Variants in BTBD2 observed in about 807,000 individuals in gnomAD.
BTBD2 encodes the protein BTB domain containing 2.
In BTBD2, 15 loss-of-function variants were observed where a neutral mutation model predicts 44.0. The ratio of observed to expected loss-of-function variants is 0.34; its 90% CI spans 0.23 to 0.53. The LOEUF (loss-of-function observed/expected upper bound fraction) is 0.53, where lower values mean the gene tolerates loss of function less well. Ranked by LOEUF, BTBD2 falls within the 20% of genes least tolerant of loss-of-function variation. BTBD2 has a pLI of 0.95. For synonymous variants in BTBD2, 443 were observed against 335.9 expected (o/e 1.32, Z -3.49); for missense variants, 657 against 746.4 (o/e 0.88, Z 1.39).
At position 1,986,955 on chromosome 19, in the gene BTBD2, T is replaced by A; in HGVS notation, c.1291A>T (p.Thr431Ser). 1 of 1,612,710 alleles carries A rather than the reference T, an allele frequency of 6.2e-7. No homozygotes were observed. Reference protein sequence around the residue: ...NIQIIHTDSNTVLGQNDTGFS... With the variant: ...NIQIIHTDSNSVLGQNDTGFS... Reference sequence around the variant, plus strand: ...CCCGTGTCGTTCTGGCCCAAGACGGTGTTGCTATCGGTGTGAATAATCTGC... The same window carrying A: ...CCCGTGTCGTTCTGGCCCAAGACGGAGTTGCTATCGGTGTGAATAATCTGC... Residue 431 changes from threonine (T) to serine (S), a missense_variant, in exon 8 of 9, where the codon ACC becomes TCC. Around this residue, in one of 3 missense-constraint regions of BTBD2, gnomAD observed 449 missense variants for 510.9 expected, o/e 0.88. Coordinates refer to ENST00000255608, the MANE Select transcript of BTBD2 (RefSeq NM_017797.4).
intron 2 of BTBD2, among the ~76,000 whole-genome samples, chr19:1,996,722 G>GA (rs1372640229): frequency 1.3e-5 from 2 of 151,636 alleles, no homozygotes; most frequent in African/African-American, 2.4e-5. Flanking sequence ...TGTCTCTACT[G>GA]AAAAACACAC....
At chr19:2,007,136 G>A (rs911503337) in intron 1 of BTBD2, among the ~76,000 whole-genome samples, 50 of 152,162 alleles carry the variant, frequency 3.3e-4, no homozygotes, top group African/African-American at 1.1e-3. Context: ...GATTACAGGC[G>A]TGAGCCACTG....
chr19:2,009,336 T>G (rs1437966876), intron 1 of BTBD2, among the ~76,000 whole-genome samples: 4 of 151,928 alleles, frequency 2.6e-5, no homozygotes, highest in African/African-American at 9.7e-5. Context: ...GTAGCTGGGA[T>G]TACAGGTGCC....
chr19:1,992,724 A>G (rs959321813), intron 3 of BTBD2, among the ~76,000 whole-genome samples: 20 of 151,630 alleles, frequency 1.3e-4, no homozygotes, highest in African/African-American at 4.1e-4. Context: ...GGTGCCCGCC[A>G]CCACGCCCGG....
intron 1 of BTBD2, among the ~76,000 whole-genome samples, chr19:2,010,040 T>C (rs1260584612): frequency 6.6e-6 from 1 of 151,954 alleles, no homozygotes; most frequent in Non-Finnish European, 1.5e-5. Context: ...TAGTCCCAGC[T>C]ACTCGGGAGG....
intron 1 of BTBD2, among the ~76,000 whole-genome samples, chr19:1,999,442 G>A (rs969814010): frequency 2.0e-5 from 3 of 152,328 alleles, no homozygotes; most frequent in Non-Finnish European, 4.4e-5. Flanking sequence ...AAGGCGGGAG[G>A]ATCGCTTGAG....
intron 3 of BTBD2, among the ~76,000 whole-genome samples, chr19:1,991,659 C>T (rs577879887): frequency 2.6e-5 from 4 of 152,290 alleles, no homozygotes; most frequent in East Asian, 1.9e-4. Flanking sequence ...TCCAGGATGC[C>T]GGACCCCCAA....
intron 1 of BTBD2, chr19:2,013,487 C>T: frequency 2.0e-6 from 2 of 985,330 alleles, no homozygotes; most frequent in Non-Finnish European, 2.4e-6. Flanking sequence ...AGGGTGGTGG[C>T]CTGGTGGCAG....
At chr19:2,012,613 TG>T (rs749627475) in intron 1 of BTBD2, among the ~76,000 whole-genome samples, 198 of 152,248 alleles carry the variant, frequency 1.3e-3, no homozygotes, top group Non-Finnish European at 2.0e-3. Flanking sequence ...TTGAGCTGAG[TG>T]GGGGTCCACG....
intron 1 of BTBD2, among the ~76,000 whole-genome samples, chr19:2,000,530 C>G (rs1389535813): frequency 6.6e-6 from 1 of 152,270 alleles, no homozygotes; most frequent in Non-Finnish European, 1.5e-5. Context: ...GCAGCTCTGC[C>G]GGTCCCCAAG....
intron 1 of BTBD2, among the ~76,000 whole-genome samples, chr19:1,998,220 T>C (rs2016277523): frequency 6.6e-6 from 1 of 152,204 alleles, no homozygotes; most frequent in Non-Finnish European, 1.5e-5. Flanking sequence ...CAGCACAAGC[T>C]TTCCCAGGGA....
intron 3 of BTBD2, among the ~76,000 whole-genome samples, chr19:1,992,329 A>T (rs1037886466): frequency 6.6e-6 from 1 of 151,896 alleles, no homozygotes; most frequent in Non-Finnish European, 1.5e-5. Flanking sequence ...CAAACTCCTG[A>T]CCTCTGGTGA....
At chr19:1,999,926 C>T (rs2016306463) in intron 1 of BTBD2, among the ~76,000 whole-genome samples, 1 of 149,004 alleles carries the variant, frequency 6.7e-6, no homozygotes, top group Admixed American at 6.7e-5. Flanking sequence ...CACGCCATTG[C>T]ACTCCTGCTT....
chr19:2,015,705 T>G lies in BTBD2; in HGVS notation c.-2A>C. On this transcript the variant is annotated 5_prime_UTR_variant, in exon 1 of 9. Transcript: ENST00000255608. Reference sequence around the variant, plus strand: ...CCCGCCGCTCCCACCCGCCGCCATTTTGTGGCTGCGGCGTGGGCGGGGGAG... The same window carrying G: ...CCCGCCGCTCCCACCCGCCGCCATTGTGTGGCTGCGGCGTGGGCGGGGGAG... The G allele has an allele frequency of 1.0e-6, 1 of 954,118 alleles. No homozygotes were observed. Among genetic ancestry groups the G allele is most frequent in the Non-Finnish European group, 1.2e-6 (1 of 812,050 alleles). 59.1% of individuals were successfully genotyped at this position (954,118 alleles called of 1,614,324 possible). A position where few individuals can be genotyped will look rare whatever the true frequency, so the allele number is the denominator to read the frequency against.
chr19:1,996,479 T>TC (rs376018502), intron 2 of BTBD2, among the ~76,000 whole-genome samples: 7 of 56,370 alleles, frequency 1.2e-4, no homozygotes, highest in African/African-American at 7.6e-4. Flanking sequence ...TGATGTTTCC[T>TC]TTTTTTTGTT....
intron 1 of BTBD2, among the ~76,000 whole-genome samples, chr19:2,009,669 C>T (rs1271697775): frequency 1.4e-5 from 2 of 145,166 alleles, no homozygotes; most frequent in African/African-American, 5.1e-5. Flanking sequence ...GGCAACATGA[C>T]GGAAATACTG....
chr19:2,013,400 G>C (rs1223543327), intron 1 of BTBD2: 2 of 582,552 alleles, frequency 3.4e-6, no homozygotes, highest in African/African-American at 4.0e-5. Context: ...AGGGCTGGGG[G>C]CTGGGGAGGG....
intron 1 of BTBD2, among the ~76,000 whole-genome samples, chr19:2,007,667 A>G (rs1342557275): frequency 6.6e-6 from 1 of 152,076 alleles, no homozygotes; most frequent in East Asian, 1.9e-4. Context: ...CGTCTCTAAA[A>G]ATACAAAAAT....
At chr19:2,010,026 C>T (rs2016444199) in intron 1 of BTBD2, among the ~76,000 whole-genome samples, 1 of 152,058 alleles carries the variant, frequency 6.6e-6, no homozygotes, top group Non-Finnish European at 1.5e-5. Flanking sequence ...GTGGCGGGTG[C>T]CTGTAGTCCC....
Sources: allele counts gnomAD v4.1 joint callset (sites outside exome capture counted in the v4.1 genomes callset), GRCh38; gene constraint gnomAD v4.1.1; regional missense constraint gnomAD v4.1.1; transcripts MANE v1.5; gene names NCBI Gene and HGNC (gene_info 2026-07-23, HGNC 2026-07-21).